TMC3: variants seen among roughly 807,000 people sequenced by gnomAD.
The protein encoded by TMC3 is transmembrane channel-like protein 3.
A neutral mutation model predicts 110.6 loss-of-function variants in TMC3; 98 were observed. The ratio of observed to expected loss-of-function variants is 0.89; its 90% CI spans 0.75 to 1.05. The LOEUF is 1.05. Among genes scored for constraint, TMC3 ranks in the 50% least tolerant of loss-of-function variants. The pLI, the probability that TMC3 is intolerant of heterozygous loss-of-function variation, is 0.00. For missense variants in TMC3, 1,319 were observed against 1,373.2 expected, an observed-to-expected ratio of 0.96 and a Z score of 0.62; for synonymous variants, 489 against 513.1, an observed-to-expected ratio of 0.95 and a Z score of 0.63.
At chr15:81,345,868 C>A (rs561640647) in intron 12 of TMC3, among the ~76,000 whole-genome samples, 1 of 151,768 alleles carries the variant, frequency 6.6e-6, no homozygotes, top group Admixed American at 6.6e-5. Context: ...CAAAGCGAGA[C>A]CCTGTCTCAA....
At chr15:81,338,055 C>T (rs1346686361) in intron 18 of TMC3, 131 bp from the exon 19 acceptor site, 24 of 696,542 alleles carry the variant, frequency 3.4e-5, no homozygotes, top group South Asian at 1.8e-4. Flanking sequence ...ACTGACCCTC[C>T]GCTAAGGACA....
intron 3 of TMC3, among the ~76,000 whole-genome samples, chr15:81,366,186 CA>C (rs1001764280): frequency 2.6e-5 from 4 of 152,176 alleles, no homozygotes; most frequent in Non-Finnish European, 5.9e-5. Context: ...AAGGCAGTCA[CA>C]AGCAAGTCCA....
At chr15:81,355,799 C>G (rs749439901) in intron 8 of TMC3, 31 bp from the exon 9 acceptor site, 8 of 1,380,144 alleles carry the variant, frequency 5.8e-6, no homozygotes, top group Non-Finnish European at 8.1e-6. Flanking sequence ...GCAATAAAAG[C>G]TTAGCATCAT....
rs371581223 is a variant in TMC3 at position 81,343,975 on chromosome 15, C to T, written c.1589G>A (p.Arg530Gln). The T allele has an allele frequency of 6.8e-6, 11 of 1,613,126 alleles. No homozygotes were observed. Among genetic ancestry groups the T allele is most frequent in the African/African-American group, 6.7e-5 (5 of 74,936 alleles). ...ACTTAAGTACCGCACGAAAAGTCCT[C>T]GGAAGAAGTCTATGAGCAGAATGCT... ...VASILLIDFF[R>Q]GLFVRYLSDY... Residue 530 changes from arginine to glutamine, a missense_variant, in exon 14 of 22, where the codon CGA becomes CAA. Transcript: ENST00000359440.
At position 81,334,884 on chromosome 15, in the gene TMC3, G is replaced by A; in HGVS notation, c.2295C>T (p.Pro765=). The A allele has an allele frequency of 6.2e-7, 1 of 1,614,034 alleles. No homozygotes were observed. The highest frequency in any genetic ancestry group is 1.3e-5 in the African/African-American group (1 of 75,048). Reference sequence around the variant, plus strand: ...AATGGGCCACGTTGCCGTTGTTTTGGGGTGTGCCCGAGTGCGCTGAGGACA... The same window carrying A: ...AATGGGCCACGTTGCCGTTGTTTTGAGGTGTGCCCGAGTGCGCTGAGGACA... ...SQLSSAHSGT[P]QNNGNVAHFD... The change falls in exon 21 of 22, where the codon CCC becomes CCT. Residue 765 remains proline, a synonymous_variant. Transcript: ENST00000359440.
At chr15:81,340,232 C>G (rs866796611) in intron 16 of TMC3, among the ~76,000 whole-genome samples, 1 of 148,610 alleles carries the variant, frequency 6.7e-6, no homozygotes, top group African/African-American at 2.6e-5. Flanking sequence ...CTGTCTCTCT[C>G]TCTCTCTCTC....
chr15:81,354,956 G>A (rs571632270), intron 9 of TMC3, among the ~76,000 whole-genome samples: 1 of 152,138 alleles, frequency 6.6e-6, no homozygotes, highest in South Asian at 2.1e-4. Context: ...GGAACTTCAG[G>A]TTCATGAAGT....
intron 2 of TMC3, among the ~76,000 whole-genome samples, chr15:81,369,098 T>A (rs1894379992): frequency 6.6e-6 from 1 of 152,028 alleles, no homozygotes; most frequent in Admixed American, 6.5e-5. Context: ...GGATGCCCTC[T>A]GCTTGATTAT....
At position 81,356,537 on chromosome 15, in the gene TMC3, G is replaced by T. The variant is rs1789005804; in HGVS notation, c.801C>A (p.Phe267Leu). The T allele has an allele frequency of 1.9e-6, 3 of 1,582,688 alleles. No homozygotes were observed. The East Asian group carries it at 6.9e-5, about 37-fold the overall frequency. The change falls in exon 8 of 22, where the codon TTC becomes TTA. Residue 267 changes from phenylalanine to leucine, a missense_variant. Coordinates refer to ENST00000359440, the MANE Select transcript of TMC3 (RefSeq NM_001080532.3). ...LASASNENYT[F>L]CWRVFCAWDY... The stretch of plus-strand genomic sequence containing the variant: ...CCCAGGCACAGAACACCCGCCAGCA[G>T]AAGGTATAGTTTTCATTGGAAGCAC...
rs781696055 is a variant in TMC3 at position 81,374,053 on chromosome 15, G to A, written c.25C>T (p.Arg9Cys). MKTSKASQRYRGIRRNASQ... is the reference protein window; with the variant it reads MKTSKASQCYRGIRRNASQ... ...GCATTTCTCCGGATGCCTCTATAGC[G>A]CTGGGATGCCTTCGAGGTTTTCATG... The change falls in exon 1 of 22, where the codon CGC becomes TGC. Residue 9 changes from arginine to cysteine, a missense_variant. Transcript: ENST00000359440. 30 of 1,613,756 alleles carry A rather than the reference G, an allele frequency of 1.9e-5. 1 individual carries two copies. Among genetic ancestry groups the A allele is most frequent in the Admixed American group, 1.3e-4 (8 of 60,004 alleles).
intron 2 of TMC3, 39 bp from the exon 3 acceptor site, chr15:81,368,367 C>T: frequency 6.6e-7 from 1 of 1,518,652 alleles, no homozygotes; most frequent in Admixed American, 1.7e-5. Context: ...ACAATTGTAT[C>T]ACACTTACAA....
chr15:81,362,015 C>A lies in TMC3; in HGVS notation c.394+205G>T, dbSNP rs1280251878. On this transcript the variant is annotated intron_variant, in intron 4 of 21. Coordinates refer to ENST00000359440, the MANE Select transcript of TMC3 (RefSeq NM_001080532.3). ...CCGCAGCGGAATGTGGAAAGGCCCA[C>A]GTCCAGACTGTTCCCATTCTGGTAG... The A allele has an allele frequency of 1.2e-5, 6 of 484,992 alleles. No individual in the cohort carries two copies. The East Asian group carries it at 2.3e-4, about 18-fold the overall frequency. The allele number at this position is 484,992 out of a possible 1,614,324, so 30.0% of individuals were successfully genotyped here. A position where few individuals can be genotyped will look rare whatever the true frequency, so the allele number is the denominator to read the frequency against.
At chr15:81,341,581 G>A in intron 15 of TMC3, 63 bp from the exon 16 acceptor site, 3 of 1,542,086 alleles carry the variant, frequency 1.9e-6, no homozygotes, top group African/African-American at 1.4e-5. Flanking sequence ...CAGGACTATG[G>A]AAGCCCCATG....
intron 2 of TMC3, among the ~76,000 whole-genome samples, chr15:81,371,834 T>G (rs940882222): frequency 6.6e-6 from 1 of 152,212 alleles, no homozygotes; most frequent in Non-Finnish European, 1.5e-5. Flanking sequence ...AATCAGGGAT[T>G]TTGAATTTTT....
At chr15:81,370,680 C>CTTT (rs10676279) in intron 2 of TMC3, among the ~76,000 whole-genome samples, 1,865 of 139,308 alleles carry the variant, frequency 0.013, 71 homozygotes, top group African/African-American at 0.046. Flanking sequence ...GAAACTATTT[C>CTTT]TTTTTTTTTT....
In TMC3 at chr15:81,334,965, C is replaced by A; in HGVS notation, c.2214G>T (p.Gln738His). 1 of 1,613,732 alleles carries A rather than the reference C, an allele frequency of 6.2e-7. No individual in the cohort carries two copies. Among genetic ancestry groups the A allele is most frequent in the Non-Finnish European group, 8.5e-7 (1 of 1,179,690 alleles). ...GCTTCTTGGTGCTTTCTTCCTGGGT[C>A]TGGATTCGGGCTGCAGGGAGAGGGA... is the stretch of plus-strand genomic sequence containing the variant. ...KVAQMVEARI[Q>H]TQEESTKKLP... Residue 738 changes from glutamine to histidine, a missense_variant, in exon 21 of 22, where the codon CAG (glutamine) becomes CAT (histidine). Gln to His is a conservative substitution (Grantham distance 24). Transcript: ENST00000359440.
rs1483503554 is a variant in TMC3 at position 81,331,326 on chromosome 15, G to T, written c.*1093C>A. Reference sequence around the variant, plus strand: ...GAAACCATGTTTCTGCATCAACCTTGTAACTTTGCAGCTGCGCTAGGGTGG... The same window carrying T: ...GAAACCATGTTTCTGCATCAACCTTTTAACTTTGCAGCTGCGCTAGGGTGG... On this transcript the variant is annotated 3_prime_UTR_variant, in exon 22 of 22. Coordinates refer to ENST00000359440, the MANE Select transcript of TMC3 (RefSeq NM_001080532.3). 6.6e-6 allele frequency: 1 copy of T among 152,242 alleles called. No homozygotes were observed. Among genetic ancestry groups the T allele is most frequent in the Non-Finnish European group, 1.5e-5 (1 of 68,066 alleles). The allele number at this position is 152,242 out of a possible 1,614,324, so 9.4% of individuals were successfully genotyped here. A position where few individuals can be genotyped will look rare whatever the true frequency, so the allele number is the denominator to read the frequency against.
In TMC3 at chr15:81,341,480, T is replaced by A. The variant is rs778518762; in HGVS notation, c.1754A>T (p.Asn585Ile). 178 of 1,611,188 alleles carry A rather than the reference T, an allele frequency of 1.1e-4. No individual in the cohort carries two copies. The highest frequency in any genetic ancestry group is 2.8e-4 in the Admixed American group (17 of 59,710). The change falls in exon 16 of 22, where the codon AAC (asparagine) becomes ATC (isoleucine). Residue 585 changes from asparagine (N) to isoleucine (I), a missense_variant. Coordinates refer to ENST00000359440, the MANE Select transcript of TMC3 (RefSeq NM_001080532.3). Reference protein sequence around the residue: ...AFFSPCLPAFNVLKLIGLMYL... With the variant: ...AFFSPCLPAFIVLKLIGLMYL... Reference sequence around the variant, plus strand: ...CATGAGCCCAATGAGTTTGAGAACGTTGAACGCTGGGAGACATGGGGAGAA... The same window carrying A: ...CATGAGCCCAATGAGTTTGAGAACGATGAACGCTGGGAGACATGGGGAGAA...
chr15:81,373,110 T>C (rs1894474822), intron 1 of TMC3, among the ~76,000 whole-genome samples: 1 of 152,146 alleles, frequency 6.6e-6, no homozygotes, highest in African/African-American at 2.4e-5. Context: ...AAATAATTTC[T>C]TTTTCAGGCT....
Sources: allele counts gnomAD v4.1 joint callset (sites outside exome capture counted in the v4.1 genomes callset), GRCh38; gene constraint gnomAD v4.1.1; transcripts MANE v1.5; gene names NCBI Gene and HGNC (gene_info 2026-07-23, HGNC 2026-07-21).